The following MAD1L1 variants were observed in gnomAD, a reference collection of about 807,000 sequenced individuals.
MAD1L1 encodes mitotic spindle assembly checkpoint protein MAD1.
In MAD1L1, 95 loss-of-function variants were observed where a neutral mutation model predicts 96.9. The ratio of observed to expected loss-of-function variants is 0.98; its 90% CI spans 0.83 to 1.16. The LOEUF is 1.16. Among genes scored for constraint, MAD1L1 ranks in the 50% most tolerant of loss-of-function variants. MAD1L1 has a pLI of 0.00. For missense variants in MAD1L1, 1,007 were observed against 954.4 expected, an observed-to-expected ratio of 1.06 and a Z score of -0.73; for synonymous variants, 473 against 396.6, an observed-to-expected ratio of 1.19 and a Z score of -2.29.
intron 15 of MAD1L1, among the ~76,000 whole-genome samples, chr7:1,970,321 T>A (rs1266976220): frequency 6.6e-6 from 1 of 151,324 alleles, no homozygotes; most frequent in Non-Finnish European, 1.5e-5. Context: ...CTATATAATT[T>A]TAATTTTTAC....
rs925191861 is a variant in MAD1L1 at position 2,215,302 on chromosome 7, C to T, written c.924+583G>A. On this transcript the variant is annotated intron_variant, in intron 9 of 18. Coordinates refer to ENST00000265854, the MANE Select transcript of MAD1L1 (RefSeq NM_001013836.2). The stretch of plus-strand genomic sequence containing the variant: ...CTGAGGCAGGAGACTCGCTTGTACC[C>T]GGGAGGCGGAGGTTGCAGTGAGCCG... Among the ~76,000 whole-genome samples, 177 of 147,496 alleles carry T rather than the reference C, an allele frequency of 1.2e-3. 1 individual carries two copies. Among genetic ancestry groups the T allele is most frequent in the African/African-American group, 4.3e-3 (174 of 40,040 alleles).
chr7:1,839,534 A>T (rs1213132138), intron 18 of MAD1L1, among the ~76,000 whole-genome samples: 2 of 152,190 alleles, frequency 1.3e-5, no homozygotes, highest in African/African-American at 2.4e-5. Context: ...CAAAGGCTCC[A>T]AAAACAGAAT....
At chr7:1,890,857 C>T (rs764603694) in intron 18 of MAD1L1, among the ~76,000 whole-genome samples, 35 of 152,344 alleles carry the variant, frequency 2.3e-4, no homozygotes, top group African/African-American at 7.9e-4. Flanking sequence ...CCCTGTCTGA[C>T]GCCCATGTTC....
intron 17 of MAD1L1, among the ~76,000 whole-genome samples, chr7:1,907,312 ACT>A (rs1194289377): frequency 6.6e-6 from 1 of 152,104 alleles, no homozygotes; most frequent in East Asian, 1.9e-4. Flanking sequence ...CAAGCCCCAG[ACT>A]CTGCAGCAAC....
intron 1 of MAD1L1, among the ~76,000 whole-genome samples, chr7:2,231,916 G>A (rs1050607937): frequency 2.0e-5 from 3 of 152,102 alleles, no homozygotes; most frequent in Admixed American, 1.3e-4. Context: ...CTAGATGATG[G>A]GAATACGGCT....
intron 12 of MAD1L1, among the ~76,000 whole-genome samples, chr7:2,024,629 C>T (rs972587152): frequency 1.3e-5 from 2 of 152,214 alleles, no homozygotes; most frequent in Admixed American, 1.3e-4. Flanking sequence ...CTAATAAACG[C>T]TTCAAATGAT....
chr7:2,115,402 G>C (rs988922492), intron 11 of MAD1L1, among the ~76,000 whole-genome samples: 1 of 146,928 alleles, frequency 6.8e-6, no homozygotes, highest in African/African-American at 2.5e-5. Context: ...GGTGGACAGG[G>C]TCCCCACGTG....
chr7:2,080,243 GAC>G (rs1785572135), intron 11 of MAD1L1, among the ~76,000 whole-genome samples: 1 of 152,238 alleles, frequency 6.6e-6, no homozygotes. Flanking sequence ...GCTTTCCTGT[GAC>G]AGAGCCCGTG....
At chr7:2,057,978 G>A (rs557089553) in intron 12 of MAD1L1, among the ~76,000 whole-genome samples, 20 of 150,966 alleles carry the variant, frequency 1.3e-4, no homozygotes, top group Admixed American at 1.2e-3. Context: ...GAGGGAGTGT[G>A]GCCAGAGGAG....
At chr7:2,123,089 G>A (rs1038336206) in intron 11 of MAD1L1, among the ~76,000 whole-genome samples, 1 of 152,046 alleles carries the variant, frequency 6.6e-6, no homozygotes, top group African/African-American at 2.4e-5. Context: ...GGATCACGAG[G>A]TCAGGAGATT....
At chr7:1,994,243 G>T (rs1193790015) in intron 14 of MAD1L1, among the ~76,000 whole-genome samples, 1 of 152,242 alleles carries the variant, frequency 6.6e-6, no homozygotes, top group Non-Finnish European at 1.5e-5. Flanking sequence ...GCAGCACAGG[G>T]ACGATGGTGG....
At chr7:2,208,939 C>G (rs1792740487) in intron 10 of MAD1L1, among the ~76,000 whole-genome samples, 1 of 152,152 alleles carries the variant, frequency 6.6e-6, no homozygotes, top group Non-Finnish European at 1.5e-5. Flanking sequence ...CTGCTGCTAA[C>G]TCCCTCAGCC....
chr7:1,901,380 A>G (rs1787234651), intron 17 of MAD1L1, among the ~76,000 whole-genome samples: 1 of 152,168 alleles, frequency 6.6e-6, no homozygotes. Flanking sequence ...ACTGGGTTCT[A>G]TGGGCCTGGA....
At chr7:2,073,989 G>A (rs543691670) in intron 11 of MAD1L1, among the ~76,000 whole-genome samples, 1 of 152,302 alleles carries the variant, frequency 6.6e-6, no homozygotes, top group East Asian at 1.9e-4. Context: ...AACAGAACTA[G>A]ACTGTAAAAA....
intron 18 of MAD1L1, among the ~76,000 whole-genome samples, chr7:1,874,239 C>T (rs1480327656): frequency 6.6e-6 from 1 of 152,196 alleles, no homozygotes; most frequent in South Asian, 2.1e-4. Flanking sequence ...GGTCTCCCAC[C>T]AGCGCATCAG....
intron 14 of MAD1L1, among the ~76,000 whole-genome samples, chr7:1,993,963 A>T (rs1222694854): frequency 6.6e-6 from 1 of 152,154 alleles, no homozygotes; most frequent in Non-Finnish European, 1.5e-5. Flanking sequence ...GATATGAGGA[A>T]GCCCCTGCAA....
intron 2 of MAD1L1, 62 bp downstream of exon 2, chr7:2,230,487 C>CA: frequency 8.8e-6 from 2 of 228,008 alleles, no homozygotes; most frequent in East Asian, 1.9e-4. Context: ...TCCAGAGACA[C>CA]AGAGCCAACA....
chr7:1,944,631 T>C (rs894116123), intron 16 of MAD1L1, among the ~76,000 whole-genome samples: 3 of 152,020 alleles, frequency 2.0e-5, no homozygotes, highest in African/African-American at 7.2e-5. Flanking sequence ...GGCTGGGAAA[T>C]GTGAGGCTGA....
intron 11 of MAD1L1, among the ~76,000 whole-genome samples, chr7:2,126,469 C>T (rs950125156): frequency 6.6e-6 from 1 of 152,190 alleles, no homozygotes; most frequent in African/African-American, 2.4e-5. Flanking sequence ...TGCACAGCTG[C>T]GGAGCTATCT....
Sources: allele counts gnomAD v4.1 joint callset (sites outside exome capture counted in the v4.1 genomes callset), GRCh38; gene constraint gnomAD v4.1.1; transcripts MANE v1.5; gene names NCBI Gene and HGNC (gene_info 2026-07-23, HGNC 2026-07-21).